Variants in CR1L observed in about 807,000 individuals in gnomAD.
The protein encoded by CR1L is complement C3b/C4b receptor 1 like.
A neutral mutation model predicts 62.3 loss-of-function variants in CR1L; 59 were observed. The observed-to-expected ratio is 0.95, with a 90% CI of 0.77 to 1.18. CR1L has a LOEUF of 1.18. Among genes scored for constraint, CR1L ranks in the 50% most tolerant of loss-of-function variants. The pLI is 0.00. For synonymous variants in CR1L, 279 were observed against 248.7 expected (o/e 1.12, Z -1.15); for missense variants, 700 against 702.8 (o/e 1.00, Z 0.04).
At chr1:207,686,882 C>T (rs780413251) in intron 4 of CR1L, among the ~76,000 whole-genome samples, 3 of 152,122 alleles carry the variant, frequency 2.0e-5, no homozygotes, top group Non-Finnish European at 4.4e-5. Flanking sequence ...ATAAAAGAGG[C>T]CCAGAAGAGC....
At chr1:207,681,024 A>T (rs915865582) in intron 3 of CR1L, among the ~76,000 whole-genome samples, 1 of 152,040 alleles carries the variant, frequency 6.6e-6, no homozygotes, top group African/African-American at 2.4e-5. Flanking sequence ...GCTCAAATAA[A>T]CTCTATCCTT....
chr1:207,717,617 G>C lies in CR1L; in HGVS notation c.1568G>C (p.Arg523Pro). 2 of 1,613,928 alleles carry C rather than the reference G, an allele frequency of 1.2e-6. No homozygotes were observed. Among genetic ancestry groups the C allele is most frequent in the South Asian group, 1.1e-5 (1 of 91,076 alleles). Residue 523 changes from arginine (R) to proline (P), a missense_variant, in exon 11 of 12, where the codon CGC becomes CCC. By Grantham distance (103) the Arg-to-Pro change is moderately radical (BLOSUM62 -2). Coordinates refer to ENST00000508064, the MANE Select transcript of CR1L (RefSeq NM_175710.2). ...TFNLIGESTIRRTSEPHGNGV... is the reference protein window; with the variant it reads ...TFNLIGESTIPRTSEPHGNGV... Reference sequence around the variant, plus strand: ...AACCTCATTGGGGAGAGCACCATCCGCCGCACAAGTGAACCTCATGGGAAT... The same window carrying C: ...AACCTCATTGGGGAGAGCACCATCCCCCGCACAAGTGAACCTCATGGGAAT...
chr1:207,653,722 A>C (rs960088), intron 1 of CR1L, among the ~76,000 whole-genome samples: 59,163 of 151,720 alleles, frequency 0.39, 11,662 homozygotes, highest in African/African-American at 0.42. Context: ...TTTTAAAGTC[A>C]TAGATATTGG....
At chr1:207,675,218 G>A (rs1434251848) in intron 1 of CR1L, among the ~76,000 whole-genome samples, 1 of 152,046 alleles carries the variant, frequency 6.6e-6, no homozygotes, top group Non-Finnish European at 1.5e-5. Flanking sequence ...AGCACAAATT[G>A]CAACCACAAA....
At chr1:207,716,203 A>C (rs1473441877) in intron 10 of CR1L, among the ~76,000 whole-genome samples, 1 of 152,190 alleles carries the variant, frequency 6.6e-6, no homozygotes, top group Non-Finnish European at 1.5e-5. Context: ...AAAACAATAA[A>C]ATAAGAAAAC....
At chr1:207,653,569 T>C (rs1663262425) in intron 1 of CR1L, among the ~76,000 whole-genome samples, 1 of 152,230 alleles carries the variant, frequency 6.6e-6, no homozygotes, top group Middle Eastern at 3.2e-3. Flanking sequence ...CAGATGACTC[T>C]GTAAAGTGTG....
At chr1:207,661,357 G>A (rs1477619250) in intron 1 of CR1L, among the ~76,000 whole-genome samples, 1 of 152,200 alleles carries the variant, frequency 6.6e-6, no homozygotes, top group Non-Finnish European at 1.5e-5. Context: ...ATTTAGGATA[G>A]TTAGCTCTTC....
At chr1:207,721,240 G>T (rs143765758) in intron 11 of CR1L, among the ~76,000 whole-genome samples, 4,391 of 151,832 alleles carry the variant, frequency 0.029, 82 homozygotes, top group Middle Eastern at 0.044. Context: ...TGTGCACATT[G>T]TGCAGGTTAG....
chr1:207,682,722 T>C (rs770559945), intron 3 of CR1L, among the ~76,000 whole-genome samples: 8 of 152,196 alleles, frequency 5.3e-5, no homozygotes, highest in Non-Finnish European at 1.2e-4. Context: ...CATTCATGTA[T>C]AGTACTATCA....
chr1:207,676,174 C>T (rs1031429746), intron 1 of CR1L, among the ~76,000 whole-genome samples: 1 of 152,032 alleles, frequency 6.6e-6, no homozygotes, highest in African/African-American at 2.4e-5. Context: ...TTGCAGCTTC[C>T]CCTTTAGTGA....
intron 10 of CR1L, among the ~76,000 whole-genome samples, chr1:207,709,444 T>C (rs886448390): frequency 6.6e-6 from 1 of 152,010 alleles, no homozygotes; most frequent in African/African-American, 2.4e-5. Flanking sequence ...TATATTAATA[T>C]CCAATAGAAT....
At chr1:207,697,066 C>T (rs143923973) in intron 5 of CR1L, among the ~76,000 whole-genome samples, 2 of 152,062 alleles carry the variant, frequency 1.3e-5, no homozygotes, top group Non-Finnish European at 2.9e-5. Flanking sequence ...GATGGAGGGA[C>T]CTATTAGATG....
intron 10 of CR1L, 135 bp downstream of exon 10, chr1:207,708,398 A>G: frequency 8.5e-7 from 1 of 1,171,186 alleles, no homozygotes; most frequent in South Asian, 1.5e-5. Flanking sequence ...TCATATCCTT[A>G]AAATGGCTCA....
chr1:207,686,473 T>C (rs1482453137), intron 4 of CR1L, among the ~76,000 whole-genome samples: 1 of 152,146 alleles, frequency 6.6e-6, no homozygotes, highest in East Asian at 1.9e-4. Context: ...TATGTATCGA[T>C]GTAATCATAT....
intron 10 of CR1L, chr1:207,710,390 T>A: frequency 2.0e-6 from 3 of 1,494,456 alleles, no homozygotes; most frequent in Non-Finnish European, 2.8e-6. Context: ...AGGAATTCCT[T>A]GTGGGCTACC....
intron 9 of CR1L, 125 bp from the exon 10 acceptor site, chr1:207,708,053 G>T: frequency 8.7e-7 from 1 of 1,150,752 alleles, no homozygotes; most frequent in African/African-American, 1.6e-5. Context: ...GGAACAATAG[G>T]TAAAGTTTAG....
At position 207,717,617 on chromosome 1, in the gene CR1L, G is replaced by T; in HGVS notation, c.1568G>T (p.Arg523Leu). The T allele has an allele frequency of 6.2e-7, 1 of 1,613,928 alleles. No individual in the cohort carries two copies. Among genetic ancestry groups the T allele is most frequent in the Non-Finnish European group, 8.5e-7 (1 of 1,179,864 alleles). Residue 523 changes from arginine to leucine, a missense_variant, in exon 11 of 12, where the codon CGC (arginine) becomes CTC (leucine). Transcript: ENST00000508064. The part of the protein sequence containing the change: ...TFNLIGESTI[R>L]RTSEPHGNGV... ...AACCTCATTGGGGAGAGCACCATCCGCCGCACAAGTGAACCTCATGGGAAT... is the reference window on the plus strand; with the variant it reads ...AACCTCATTGGGGAGAGCACCATCCTCCGCACAAGTGAACCTCATGGGAAT...
At chr1:207,679,446 A>G (rs535767512) in intron 3 of CR1L, among the ~76,000 whole-genome samples, 3 of 152,276 alleles carry the variant, frequency 2.0e-5, no homozygotes, top group Non-Finnish European at 2.9e-5. Flanking sequence ...TAAGACATCC[A>G]TATATTTCAG....
At chr1:207,710,958 T>A (rs1664348887) in intron 10 of CR1L, 2 of 696,644 alleles carry the variant, frequency 2.9e-6, no homozygotes. Flanking sequence ...CATGCATATG[T>A]GTCTTCATTT....
Sources: allele counts gnomAD v4.1 joint callset (sites outside exome capture counted in the v4.1 genomes callset), GRCh38; gene constraint gnomAD v4.1.1; transcripts MANE v1.5; gene names NCBI Gene and HGNC (gene_info 2026-07-23, HGNC 2026-07-21).